Variants in CNGA3 observed in about 807,000 individuals in gnomAD.
CNGA3 encodes the protein cyclic nucleotide-gated channel alpha-3.
CNGA3 carries 42 observed loss-of-function variants against 46.6 expected under a neutral mutation model. The ratio of observed to expected loss-of-function variants is 0.90; its 90% confidence interval spans 0.70 to 1.17. The LOEUF (loss-of-function observed/expected upper bound fraction) is 1.17. CNGA3 is among the 50% of genes most tolerant of loss of function. The pLI, the probability that CNGA3 is intolerant of heterozygous loss-of-function variation, is 0.00. For synonymous variants in CNGA3, 394 were observed against 369.4 expected, an observed-to-expected ratio of 1.07 and a Z score of -0.76; for missense variants, 893 against 890.7, an observed-to-expected ratio of 1.00 and a Z score of -0.03.
chr2:98,368,904 T>G (rs974345502), intron 1 of CNGA3, among the ~76,000 whole-genome samples: 1 of 152,272 alleles, frequency 6.6e-6, no homozygotes, highest in East Asian at 1.9e-4. Flanking sequence ...GGTGTGGCCA[T>G]CCGGTTGTTA....
At chr2:98,391,220 G>C (rs976806162) in intron 6 of CNGA3, among the ~76,000 whole-genome samples, 2 of 152,192 alleles carry the variant, frequency 1.3e-5, no homozygotes, top group Admixed American at 1.3e-4. Context: ...AGAACTTGGA[G>C]CCTGTCCCAG....
intron 3 of CNGA3, among the ~76,000 whole-genome samples, chr2:98,378,573 TG>T (rs1692466472): frequency 6.6e-6 from 1 of 152,256 alleles, no homozygotes; most frequent in African/African-American, 2.4e-5. Context: ...TTATTCTTCA[TG>T]CTTTTCATTA....
rs1315307276 is a variant in CNGA3, at chr2:98,378,231, C to T, written c.215+431C>T. 10 of 1,541,404 alleles carry T rather than the reference C, an allele frequency of 6.5e-6. No homozygotes were observed. The East Asian group carries it at 2.4e-4, about 38-fold the overall frequency. The stretch of plus-strand genomic sequence containing the variant: ...TCTGGACCCCAGGGCAGGTAGGTGT[C>T]CTTGCAAAAGCATTTGTTTGCAAGA... On this transcript the variant is annotated intron_variant, in intron 3 of 7. Coordinates refer to ENST00000272602, the MANE Select transcript of CNGA3 (RefSeq NM_001298.3).
chr2:98,379,111 G>T (rs1406868732), intron 3 of CNGA3, among the ~76,000 whole-genome samples: 1 of 152,268 alleles, frequency 6.6e-6, no homozygotes, highest in Non-Finnish European at 1.5e-5. Context: ...GGCAGAGGAA[G>T]TGTGTGGTTA....
At chr2:98,362,746 T>C (rs1212396277) in intron 1 of CNGA3, among the ~76,000 whole-genome samples, 2 of 152,214 alleles carry the variant, frequency 1.3e-5, no homozygotes, top group African/African-American at 4.8e-5. Flanking sequence ...TCTTGAATGG[T>C]ATTGCGTATA....
chr2:98,358,598 A>C (rs1691946141), intron 1 of CNGA3, among the ~76,000 whole-genome samples: 1 of 152,242 alleles, frequency 6.6e-6, no homozygotes, highest in African/African-American at 2.4e-5. Context: ...TGGACAAATA[A>C]TGAAATTTCT....
At chr2:98,377,164 G>A (rs568314489) in intron 2 of CNGA3, 6 of 169,174 alleles carry the variant, frequency 3.5e-5, no homozygotes, top group East Asian at 1.5e-4. Context: ...GTTAACCAGC[G>A]GGTTCCCAGG....
At position 98,367,167 on chromosome 2, in the gene CNGA3, G is replaced by GTTTATTTTCTTTTTTTTTTTTTTTTTT. The variant is rs751611132; in HGVS notation, c.-37-2769_-37-2768insATTTTCTTTTTTTTTTTTTTTTTTTTT. Among the ~76,000 whole-genome samples the GTTTATTTTCTTTTTTTTTTTTTTTTTT allele has an allele frequency of 2.0e-4, 20 of 101,620 alleles. 3 individuals are homozygous for GTTTATTTTCTTTTTTTTTTTTTTTTTT. Among genetic ancestry groups the GTTTATTTTCTTTTTTTTTTTTTTTTTT allele is most frequent in the African/African-American group, 6.0e-4 (18 of 29,938 alleles). The allele number at this position is 101,620 out of a possible 152,430, so 66.7% of individuals were successfully genotyped here. On this transcript the variant is annotated intron_variant, in intron 1 of 7. Coordinates refer to ENST00000272602, the MANE Select transcript of CNGA3 (RefSeq NM_001298.3). ...TTGGTGAGAACCTCTGACATCAGCT[G>GTTTATTTTCTTTTTTTTTTTTTTTTTT]TTTTTTTTCTTTTTTTTCTTTTTTT...
chr2:98,396,726 T>C lies in CNGA3; in HGVS notation c.1556T>C (p.Met519Thr). Residue 519 changes from methionine (M) to threonine (T), a missense_variant, in exon 8 of 8, where the codon ATG (methionine) becomes ACG (threonine). By Grantham distance (81) the Met-to-Thr change is moderately conservative (BLOSUM62 -1). Coordinates refer to ENST00000272602, the MANE Select transcript of CNGA3 (RefSeq NM_001298.3). ...AAGAAGGGAGATATTGGGAAGGAGA[T>C]GTACATCATCAACGAGGGCAAGCTG... ...ICKKGDIGKEMYIINEGKLAV... is the reference protein window; with the variant it reads ...ICKKGDIGKETYIINEGKLAV... The C allele has an allele frequency of 1.2e-6, 2 of 1,614,064 alleles. No individual in the cohort carries two copies. Among genetic ancestry groups the C allele is most frequent in the Non-Finnish European group, 1.7e-6 (2 of 1,180,018 alleles).
chr2:98,357,509 A>G (rs1478335415), intron 1 of CNGA3, among the ~76,000 whole-genome samples: 1 of 152,196 alleles, frequency 6.6e-6, no homozygotes, highest in African/African-American at 2.4e-5. Flanking sequence ...CATTTGCACT[A>G]CCTTACCCTC....
intron 7 of CNGA3, among the ~76,000 whole-genome samples, chr2:98,395,515 A>T (rs1428429143): frequency 1.3e-5 from 2 of 152,180 alleles, no homozygotes; most frequent in African/African-American, 4.8e-5. Flanking sequence ...ATTTTAAAGG[A>T]TCCTTTTTTA....
In CNGA3 at chr2:98,397,673, T is replaced by C. The variant is rs886056491; in HGVS notation, c.*418T>C. On this transcript the variant is annotated 3_prime_UTR_variant, in exon 8 of 8. Transcript: ENST00000272602. The stretch of plus-strand genomic sequence containing the variant: ...AACTTCACCACCACCTGATAATGGG[T>C]ATATAACAGGAAGCTGAAGGTACAA... The C allele has an allele frequency of 6.5e-4, 179 of 274,010 alleles. 1 individual carries two copies. The highest frequency in any genetic ancestry group is 5.1e-4 in the Admixed American group (10 of 19,638). 17.0% of individuals were successfully genotyped at this position (274,010 alleles called of 1,614,324 possible).
chr2:98,370,007 C>A lies in CNGA3; in HGVS notation c.32C>A (p.Pro11His). 2 of 1,614,054 alleles carry A rather than the reference C, an allele frequency of 1.2e-6. No individual in the cohort carries two copies. The highest frequency in any genetic ancestry group is 2.2e-5 in the South Asian group (2 of 91,044). The change falls in exon 2 of 8, where the codon CCC (proline) becomes CAC (histidine). Residue 11 changes from proline (P) to histidine (H), a missense_variant. Coordinates refer to ENST00000272602, the MANE Select transcript of CNGA3 (RefSeq NM_001298.3). ...AAGATCAACACCCAATACTCCCACCCCTCCAGGACCCACCTCAAGGTAAAG... is the reference window on the plus strand; with the variant it reads ...AAGATCAACACCCAATACTCCCACCACTCCAGGACCCACCTCAAGGTAAAG... The part of the protein sequence containing the change: MAKINTQYSH[P>H]SRTHLKVKTS...
intron 3 of CNGA3, chr2:98,378,306 C>T: frequency 7.8e-7 from 1 of 1,282,012 alleles, no homozygotes; most frequent in Non-Finnish European, 1.1e-6. Flanking sequence ...CGTACTCCAG[C>T]TTCAACAGCT....
At chr2:98,394,653 T>A (rs2104242547) in intron 7 of CNGA3, among the ~76,000 whole-genome samples, 1 of 152,316 alleles carries the variant, frequency 6.6e-6, no homozygotes, top group East Asian at 1.9e-4. Flanking sequence ...TTGTTTTTGC[T>A]CTTTTGTTTC....
chr2:98,391,105 C>T (rs1692776739), intron 6 of CNGA3, among the ~76,000 whole-genome samples: 1 of 152,150 alleles, frequency 6.6e-6, no homozygotes, highest in African/African-American at 2.4e-5. Context: ...CAGATTATGC[C>T]GCACGTCAGG....
intron 5 of CNGA3, among the ~76,000 whole-genome samples, chr2:98,388,281 A>G (rs2104225728): frequency 6.6e-6 from 1 of 152,328 alleles, no homozygotes; most frequent in East Asian, 1.9e-4. Flanking sequence ...CAAGGCAGAA[A>G]AGAACGAAGA....
intron 1 of CNGA3, among the ~76,000 whole-genome samples, chr2:98,365,056 C>G (rs546308330): frequency 2.5e-4 from 33 of 130,832 alleles, no homozygotes; most frequent in Admixed American, 1.6e-3. Context: ...TTTTTTTTTT[C>G]AGTTGGGGTC....
intron 1 of CNGA3, among the ~76,000 whole-genome samples, chr2:98,369,182 G>C (rs573227030): frequency 2.0e-5 from 3 of 152,214 alleles, no homozygotes; most frequent in Non-Finnish European, 4.4e-5. Flanking sequence ...CTACGCCCAG[G>C]AATGAATAAG....
Sources: allele counts gnomAD v4.1 joint callset (sites outside exome capture counted in the v4.1 genomes callset), GRCh38; gene constraint gnomAD v4.1.1; transcripts MANE v1.5; gene names NCBI Gene and HGNC (gene_info 2026-07-23, HGNC 2026-07-21).